TARS3: variants seen among roughly 807,000 people sequenced by gnomAD.
TARS3 encodes threonine--tRNA ligase 2, cytoplasmic.
Under a neutral mutation model 103.5 loss-of-function variants are expected in TARS3, and 94 were observed. The observed-to-expected ratio is 0.91, with a 90% CI of 0.77 to 1.08. TARS3 has a LOEUF of 1.08. Among genes scored for constraint, TARS3 ranks in the 50% least tolerant of loss-of-function variants. The pLI, the probability that TARS3 is intolerant of heterozygous loss-of-function variation, is 0.00. For missense variants in TARS3, 952 were observed against 995.2 expected, an observed-to-expected ratio of 0.96 and a Z score of 0.58; for synonymous variants, 416 against 355.4, an observed-to-expected ratio of 1.17 and a Z score of -1.92.
chr15:101,715,516 T>C (rs183261245), intron 3 of TARS3, among the ~76,000 whole-genome samples: 2 of 152,346 alleles, frequency 1.3e-5, no homozygotes, highest in Admixed American at 1.3e-4. Flanking sequence ...CACACATAAA[T>C]ATCATAAATC....
intron 12 of TARS3, among the ~76,000 whole-genome samples, chr15:101,679,483 T>G (rs1476632508): frequency 7.1e-6 from 1 of 140,896 alleles, no homozygotes; most frequent in East Asian, 3.0e-4. Context: ...TTTCCTGAGA[T>G]TTTCTGTTTC....
At chr15:101,707,641 G>A (rs773742885) in intron 6 of TARS3, among the ~76,000 whole-genome samples, 1 of 152,024 alleles carries the variant, frequency 6.6e-6, no homozygotes, top group African/African-American at 2.4e-5. Context: ...GAAGTGCCTG[G>A]AGGAACCAAA....
intron 3 of TARS3, among the ~76,000 whole-genome samples, chr15:101,717,733 A>T (rs1234368972): frequency 6.6e-6 from 1 of 152,252 alleles, no homozygotes; most frequent in Admixed American, 6.5e-5. Flanking sequence ...TGGGTCCCCA[A>T]AAGACCGTAT....
At chr15:101,657,441 C>G (rs925271669) in intron 17 of TARS3, among the ~76,000 whole-genome samples, 1 of 152,238 alleles carries the variant, frequency 6.6e-6, no homozygotes, top group Non-Finnish European at 1.5e-5. Flanking sequence ...CAGACCCTGA[C>G]TCGTAGGAAC....
intron 18 of TARS3, chr15:101,655,819 T>A: frequency 1.6e-6 from 2 of 1,233,604 alleles, no homozygotes; most frequent in African/African-American, 1.6e-5. Context: ...AGGGTGCAGA[T>A]GAGAGCGGGG....
chr15:101,685,241 T>C (rs1333615082), intron 11 of TARS3, among the ~76,000 whole-genome samples: 2 of 152,178 alleles, frequency 1.3e-5, no homozygotes, highest in African/African-American at 4.8e-5. Context: ...TTGTGGACAA[T>C]TATGCCTATT....
chr15:101,662,658 G>A (rs945366052), intron 15 of TARS3, among the ~76,000 whole-genome samples: 5 of 152,092 alleles, frequency 3.3e-5, no homozygotes, highest in African/African-American at 9.7e-5. Context: ...AGGGGTGAGC[G>A]GCTTGAGTCC....
intron 15 of TARS3, among the ~76,000 whole-genome samples, chr15:101,671,134 C>T (rs541578756): frequency 1.3e-5 from 2 of 152,212 alleles, no homozygotes; most frequent in African/African-American, 2.4e-5. Flanking sequence ...GATAAAATTG[C>T]CTTTTTTCCC....
At chr15:101,696,650 A>G (rs1159571542) in intron 10 of TARS3, among the ~76,000 whole-genome samples, 1 of 152,228 alleles carries the variant, frequency 6.6e-6, no homozygotes, top group Non-Finnish European at 1.5e-5. Flanking sequence ...CTGACTGAAC[A>G]GACACCCTCT....
At chr15:101,655,033 G>C (rs1186829442) in intron 18 of TARS3, among the ~76,000 whole-genome samples, 1 of 151,694 alleles carries the variant, frequency 6.6e-6, no homozygotes, top group Non-Finnish European at 1.5e-5. Flanking sequence ...AGAGCGGGGA[G>C]CTCTTACAGG....
chr15:101,721,336 G>T lies in TARS3; in HGVS notation c.370-14C>A. ...TTGATGCTTCACCTGGAAATTATTA[G>T]AACATAATGAGATTAATATATACAG... On this transcript the variant is annotated splice_polypyrimidine_tract_variant and intron_variant, in intron 2 of 18. Coordinates refer to ENST00000335968, the MANE Select transcript of TARS3 (RefSeq NM_152334.3). 6.3e-7 allele frequency: 1 copy of T among 1,597,788 alleles called. No individual in the cohort carries two copies. The highest frequency in any genetic ancestry group is 1.1e-5 in the South Asian group (1 of 90,574).
At chr15:101,674,805 A>C (rs79984400) in intron 13 of TARS3, among the ~76,000 whole-genome samples, 2 of 145,412 alleles carry the variant, frequency 1.4e-5, no homozygotes, top group African/African-American at 5.1e-5. Flanking sequence ...ACTCCGTCTC[A>C]AAAAAAAAAA....
In TARS3 at chr15:101,708,773, T is replaced by A. The variant is rs1349532984; in HGVS notation, c.930+20A>T. The stretch of plus-strand genomic sequence containing the variant: ...TTTTTAATATTCCTAGTAAGAGGTT[T>A]AGGAGTTTCCCCAAGTTACCTTAAA... On this transcript the variant is annotated intron_variant, in intron 6 of 18. Coordinates refer to ENST00000335968, the MANE Select transcript of TARS3 (RefSeq NM_152334.3). 2 of 1,478,958 alleles carry A rather than the reference T, an allele frequency of 1.4e-6. No individual in the cohort carries two copies. Among genetic ancestry groups the A allele is most frequent in the East Asian group, 4.5e-5 (2 of 44,210 alleles). The allele number at this position is 1,478,958 out of a possible 1,614,324, so 91.6% of individuals were successfully genotyped here.
intron 10 of TARS3, among the ~76,000 whole-genome samples, chr15:101,700,628 C>T (rs929417125): frequency 2.0e-5 from 3 of 151,040 alleles, no homozygotes; most frequent in African/African-American, 7.3e-5. Context: ...TTAGAAGGTA[C>T]AATCTAGTAC....
At chr15:101,719,301 T>C (rs962240464) in intron 3 of TARS3, among the ~76,000 whole-genome samples, 1 of 152,254 alleles carries the variant, frequency 6.6e-6, no homozygotes, top group African/African-American at 2.4e-5. Context: ...ATCAGTTTAT[T>C]TGTTGCTAGA....
intron 13 of TARS3, among the ~76,000 whole-genome samples, chr15:101,673,915 A>G (rs648398): frequency 0.37 from 56,541 of 151,886 alleles, 11,325 homozygotes; most frequent in Non-Finnish European, 0.46. Flanking sequence ...CTTATTTCTC[A>G]TATTGGTGTG....
At chr15:101,718,494 A>C (rs1363648675) in intron 3 of TARS3, among the ~76,000 whole-genome samples, 1 of 152,160 alleles carries the variant, frequency 6.6e-6, no homozygotes, top group East Asian at 1.9e-4. Flanking sequence ...CTGTAATTCA[A>C]CTGACTAAAA....
intron 5 of TARS3, 41 bp downstream of exon 5, chr15:101,711,839 T>C (rs753442864): frequency 2.6e-5 from 42 of 1,604,192 alleles, no homozygotes; most frequent in Admixed American, 8.4e-5. Flanking sequence ...AACAATACAA[T>C]TGAAACACAT....
intron 12 of TARS3, among the ~76,000 whole-genome samples, chr15:101,676,065 G>A (rs552698667): frequency 1.3e-5 from 2 of 152,338 alleles, no homozygotes; most frequent in East Asian, 1.9e-4. Flanking sequence ...CGGAAGCTCA[G>A]GAGCTCTGTG....
Sources: allele counts gnomAD v4.1 joint callset (sites outside exome capture counted in the v4.1 genomes callset), GRCh38; gene constraint gnomAD v4.1.1; transcripts MANE v1.5; gene names NCBI Gene and HGNC (gene_info 2026-07-23, HGNC 2026-07-21).